PRKN: variants seen among roughly 807,000 people sequenced by gnomAD.
PRKN encodes parkin RBR E3 ubiquitin protein ligase.
A neutral mutation model predicts 59.5 loss-of-function variants in PRKN; 56 were observed. The observed-to-expected ratio is 0.94, with a 90% CI of 0.76 to 1.18. The LOEUF is 1.18. PRKN is among the 50% of genes most tolerant of loss of function. The pLI is 0.00. For synonymous variants in PRKN, 250 were observed against 222.1 expected (o/e 1.13, Z -1.12); for missense variants, 657 against 596.4 (o/e 1.10, Z -1.06).
chr6:161,915,705 C>A (rs572111495), intron 6 of PRKN, among the ~76,000 whole-genome samples: 104 of 151,572 alleles, frequency 6.9e-4, no homozygotes, highest in African/African-American at 2.4e-3. Context: ...ATTGCACATG[C>A]AAACGTGTAT....
chr6:162,152,980 C>T (rs903419755), intron 4 of PRKN, among the ~76,000 whole-genome samples: 1 of 152,194 alleles, frequency 6.6e-6, no homozygotes, highest in Non-Finnish European at 1.5e-5. Context: ...AAAAGGGCTC[C>T]AAAGTCGATG....
chr6:161,506,956 G>T (rs986218002), intron 9 of PRKN, among the ~76,000 whole-genome samples: 5 of 152,060 alleles, frequency 3.3e-5, no homozygotes, highest in Non-Finnish European at 5.9e-5. Context: ...CTGAGGAGGG[G>T]CATTAAGCCT....
At chr6:162,409,589 G>A (rs967417429) in intron 2 of PRKN, among the ~76,000 whole-genome samples, 3 of 152,278 alleles carry the variant, frequency 2.0e-5, no homozygotes, top group Admixed American at 2.0e-4. Context: ...ATAGAATCAT[G>A]AGATTGAACA....
rs150362604 is a variant in PRKN at position 161,496,014 on chromosome 6, T to G, written c.1083+52840A>C. On this transcript the variant is annotated intron_variant, in intron 9 of 11. Transcript: ENST00000366898. ...TCTAGACCTCTGTGTCATGGGGGCA[T>G]GCTGTGACCATCTTCTGGGCACTTG... 2.2e-3 allele frequency among the ~76,000 whole-genome samples: 340 copies of G among 152,360 alleles called. 2 individuals are homozygous for G. Among genetic ancestry groups the G allele is most frequent in the African/African-American group, 8.0e-3 (333 of 41,586 alleles).
intron 7 of PRKN, among the ~76,000 whole-genome samples, chr6:161,595,505 G>C (rs1052490475): frequency 6.6e-6 from 1 of 152,210 alleles, no homozygotes; most frequent in African/African-American, 2.4e-5. Context: ...TTTCCACGCA[G>C]ACACTCCATG....
Position 161,546,503 on chromosome 6 carries a change from C to T in PRKN, c.1083+2351G>A, listed in dbSNP as rs1779800519. Among the ~76,000 whole-genome samples, 1 of 152,132 alleles carries T rather than the reference C, an allele frequency of 6.6e-6. No individual in the cohort carries two copies. The highest frequency in any genetic ancestry group is 2.4e-5 in the African/African-American group (1 of 41,434). ...CCAAAGCAATGGGAATGGACATAAG[C>T]TTGCAAAAGTGTATGGAGACTGGGG... is the stretch of plus-strand genomic sequence containing the variant. On this transcript the variant is annotated intron_variant, in intron 9 of 11. Coordinates refer to ENST00000366898, the MANE Select transcript of PRKN (RefSeq NM_004562.3). The surrounding 1 kb of genome is among the most constrained non-coding windows in gnomAD (Gnocchi z 4.4).
chr6:161,998,074 A>G (rs1781912432), intron 5 of PRKN, among the ~76,000 whole-genome samples: 1 of 152,132 alleles, frequency 6.6e-6, no homozygotes, highest in African/African-American at 2.4e-5. Context: ...TAAAACATAT[A>G]TTATATGGTT....
chr6:162,618,159 T>C (rs1782508436), intron 1 of PRKN, among the ~76,000 whole-genome samples: 1 of 152,038 alleles, frequency 6.6e-6, no homozygotes, highest in Admixed American at 6.5e-5. Flanking sequence ...AAGTCATTTT[T>C]TAAAACTGTT....
chr6:161,671,075 A>G (rs746508972), intron 7 of PRKN, among the ~76,000 whole-genome samples: 9 of 152,036 alleles, frequency 5.9e-5, no homozygotes, highest in Admixed American at 1.3e-4. Flanking sequence ...AAATAATGCA[A>G]TTTGGCTCCT....
chr6:161,947,056 G>A (rs1341737612), intron 6 of PRKN, among the ~76,000 whole-genome samples: 1 of 152,120 alleles, frequency 6.6e-6, no homozygotes, highest in Non-Finnish European at 1.5e-5. Flanking sequence ...GTATAAATTT[G>A]AGTACATATG....
At chr6:161,733,625 T>C (rs981686527) in intron 7 of PRKN, among the ~76,000 whole-genome samples, 3 of 151,920 alleles carry the variant, frequency 2.0e-5, no homozygotes, top group African/African-American at 4.8e-5. Flanking sequence ...TTCACTTTGC[T>C]TAACTGAAAC....
intron 2 of PRKN, among the ~76,000 whole-genome samples, chr6:162,400,112 C>T (rs974457606): frequency 1.3e-5 from 2 of 151,926 alleles, no homozygotes; most frequent in Admixed American, 6.6e-5. Flanking sequence ...GAGGCTGAGG[C>T]AGGAGAATTG....
At chr6:161,616,809 T>C (rs541296218) in intron 7 of PRKN, among the ~76,000 whole-genome samples, 15 of 152,322 alleles carry the variant, frequency 9.8e-5, no homozygotes, top group East Asian at 9.6e-4. Context: ...CAGTCTATCA[T>C]TGATGGGCAT....
intron 7 of PRKN, among the ~76,000 whole-genome samples, chr6:161,691,945 CT>C (rs1441428568): frequency 6.6e-6 from 1 of 151,492 alleles, no homozygotes; most frequent in Non-Finnish European, 1.5e-5. Flanking sequence ...TGTGATGACA[CT>C]GTCATCACAC....
intron 4 of PRKN, among the ~76,000 whole-genome samples, chr6:162,102,095 A>AAC (rs551118602): frequency 8.4e-4 from 128 of 152,276 alleles, no homozygotes; most frequent in African/African-American, 2.9e-3. Context: ...TACATAGGTA[A>AAC]ACGTGTGCCA....
At chr6:161,553,948 G>A (rs1025331210) in intron 8 of PRKN, among the ~76,000 whole-genome samples, 2 of 152,278 alleles carry the variant, frequency 1.3e-5, no homozygotes, top group South Asian at 4.2e-4. Flanking sequence ...GCCAGGAATT[G>A]CCTACTTTTA....
intron 3 of PRKN, among the ~76,000 whole-genome samples, chr6:162,233,907 T>C (rs1252988921): frequency 6.6e-6 from 1 of 152,210 alleles, no homozygotes; most frequent in Non-Finnish European, 1.5e-5. Context: ...TGGCATGCTC[T>C]TGGACTTTCC....
chr6:162,506,392 G>A (rs992008642), intron 1 of PRKN, among the ~76,000 whole-genome samples: 4 of 152,084 alleles, frequency 2.6e-5, no homozygotes, highest in Admixed American at 6.6e-5. Flanking sequence ...TAAAGACTGA[G>A]AAGAGACATG....
intron 6 of PRKN, among the ~76,000 whole-genome samples, chr6:161,952,932 G>A (rs563888003): frequency 4.6e-5 from 7 of 152,302 alleles, no homozygotes; most frequent in African/African-American, 1.7e-4. Flanking sequence ...GGATGACGAC[G>A]TGAGTCAATC....
Sources: allele counts gnomAD v4.1 joint callset (sites outside exome capture counted in the v4.1 genomes callset), GRCh38; gene constraint gnomAD v4.1.1; non-coding constraint Gnocchi (gnomAD v3.1); transcripts MANE v1.5; gene names NCBI Gene and HGNC (gene_info 2026-07-23, HGNC 2026-07-21).